SLC44A5: variants seen among roughly 807,000 people sequenced by gnomAD.
The protein encoded by SLC44A5 is solute carrier family 44 member 5.
In SLC44A5, 57 loss-of-function variants were observed where a neutral mutation model predicts 101.8. The ratio of observed to expected loss-of-function variants is 0.56; its 90% CI spans 0.45 to 0.70. SLC44A5 has a LOEUF of 0.70. SLC44A5 is among the 30% of genes least tolerant of loss of function. The pLI is 0.00. For missense variants in SLC44A5, 737 were observed against 853.1 expected, an observed-to-expected ratio of 0.86 and a Z score of 1.70; for synonymous variants, 281 against 290.9, an observed-to-expected ratio of 0.97 and a Z score of 0.35.
intron 5 of SLC44A5, among the ~76,000 whole-genome samples, chr1:75,291,387 C>G (rs903863236): frequency 1.3e-5 from 2 of 152,046 alleles, no homozygotes; most frequent in African/African-American, 4.8e-5. Flanking sequence ...AACCTAGAAC[C>G]TGGGAATATA....
chr1:75,351,007 G>T (rs557145951), intron 3 of SLC44A5, among the ~76,000 whole-genome samples: 18 of 151,024 alleles, frequency 1.2e-4, no homozygotes, highest in African/African-American at 4.1e-4. Context: ...TCTAGAAATC[G>T]AAATTATAGT....
At chr1:75,334,812 C>T (rs1272014430) in intron 4 of SLC44A5, among the ~76,000 whole-genome samples, 4 of 152,116 alleles carry the variant, frequency 2.6e-5, no homozygotes, top group African/African-American at 7.2e-5. Flanking sequence ...TTTGAAAGAA[C>T]ATTAAAGTCT....
the SLC44A5 span, among the ~76,000 whole-genome samples, chr1:75,659,489 G>A: frequency 0.062 from 3,801 of 61,402 alleles, 382 homozygotes; most frequent in Middle Eastern, 0.096. Context: ...AGGAAGGAAG[G>A]AAGGCAGGCA....
intron 5 of SLC44A5, among the ~76,000 whole-genome samples, 154 bp downstream of exon 5, chr1:75,300,458 C>T (rs771443231): frequency 2.0e-5 from 3 of 152,026 alleles, no homozygotes; most frequent in Non-Finnish European, 4.4e-5. Context: ...GTCTGCTACC[C>T]GATAAATCCT....
chr1:75,269,319 A>C (rs991662417), intron 6 of SLC44A5, among the ~76,000 whole-genome samples: 1 of 151,950 alleles, frequency 6.6e-6, no homozygotes, highest in Non-Finnish European at 1.5e-5. Flanking sequence ...GTGTTGATAC[A>C]TTTGGTCAGA....
chr1:75,233,233 G>C (rs1570426652), intron 12 of SLC44A5, among the ~76,000 whole-genome samples: 1 of 152,158 alleles, frequency 6.6e-6, no homozygotes, highest in African/African-American at 2.4e-5. Flanking sequence ...TAAATTTATG[G>C]GGTACGCATA....
chr1:75,360,164 T>G (rs2101111063), intron 3 of SLC44A5, among the ~76,000 whole-genome samples: 1 of 152,286 alleles, frequency 6.6e-6, no homozygotes, highest in South Asian at 2.1e-4. Context: ...TTCAAAAGCT[T>G]TTTATTTGAT....
chr1:75,346,096 C>A (rs1009049518), intron 3 of SLC44A5, among the ~76,000 whole-genome samples: 14 of 152,086 alleles, frequency 9.2e-5, no homozygotes, highest in African/African-American at 3.4e-4. Flanking sequence ...TCATCTCAGG[C>A]AGAAACATGA....
At chr1:75,469,832 C>T (rs1375697232) in intron 2 of SLC44A5, among the ~76,000 whole-genome samples, 1 of 145,004 alleles carries the variant, frequency 6.9e-6, no homozygotes, top group East Asian at 2.1e-4. Context: ...CCCAGGAATT[C>T]GAGGTTACAG....
At chr1:75,515,217 T>C (rs983127068) in intron 2 of SLC44A5, among the ~76,000 whole-genome samples, 1 of 152,224 alleles carries the variant, frequency 6.6e-6, no homozygotes, top group East Asian at 1.9e-4. Context: ...ATGAATGTCA[T>C]GTGGAATAAC....
the SLC44A5 span, among the ~76,000 whole-genome samples, chr1:75,701,996 T>C: frequency 1.3e-4 from 20 of 151,766 alleles, no homozygotes; most frequent in Admixed American, 8.5e-4. Flanking sequence ...CACTGCTCAA[T>C]GAAATAAAAG....
At chr1:75,352,081 A>C (rs528014789) in intron 3 of SLC44A5, among the ~76,000 whole-genome samples, 5 of 152,226 alleles carry the variant, frequency 3.3e-5, no homozygotes, top group African/African-American at 1.2e-4. Context: ...CTGATAAAAG[A>C]CTAAGAAGGT....
Position 75,214,629 on chromosome 1 carries a change from T to C in SLC44A5, c.1778A>G (p.Asn593Ser). 2 of 1,611,918 alleles carry C rather than the reference T, an allele frequency of 1.2e-6. No homozygotes were observed. The highest frequency in any genetic ancestry group is 4.5e-5 in the East Asian group (2 of 44,784). Residue 593 changes from asparagine to serine, a missense_variant, in exon 20 of 24, where the codon AAT (asparagine) becomes AGT (serine). Physicochemically the swap from Asn to Ser is conservative, Grantham distance 46 (BLOSUM62 1). Around this residue, in one of 3 missense-constraint regions of SLC44A5, gnomAD observed 665 missense variants for 764.4 expected, o/e 0.87. Transcript: ENST00000370859. ...NFCRSAKDAF[N>S]LLMRNVLKVA... ...CTTCAAAACATTTCTCATCAGCAGA[T>C]TGAAAGCATCTTTTGCTGACCTGCA...
the SLC44A5 span, among the ~76,000 whole-genome samples, chr1:75,634,103 T>A: frequency 6.6e-6 from 1 of 152,206 alleles, no homozygotes; most frequent in African/African-American, 2.4e-5. Context: ...CTTTTTGATG[T>A]GCTGCTGGAT....
intron 3 of SLC44A5, among the ~76,000 whole-genome samples, chr1:75,340,092 C>T (rs1201731872): frequency 6.6e-6 from 1 of 152,150 alleles, no homozygotes; most frequent in South Asian, 2.1e-4. Flanking sequence ...ATACTAGGTA[C>T]TGTTGGTCTC....
intron 4 of SLC44A5, among the ~76,000 whole-genome samples, chr1:75,324,655 G>A (rs1656433520): frequency 6.6e-6 from 1 of 152,092 alleles, no homozygotes; most frequent in African/African-American, 2.4e-5. Flanking sequence ...CAGTCTGAAG[G>A]CTGCAAGTTT....
chr1:75,673,143 G>T, the SLC44A5 span, among the ~76,000 whole-genome samples: 2 of 152,048 alleles, frequency 1.3e-5, no homozygotes, highest in African/African-American at 4.8e-5. Context: ...GCACCAACTG[G>T]GCTCTTGGGG....
chr1:75,228,761 T>C (rs1379182773), intron 12 of SLC44A5, among the ~76,000 whole-genome samples: 4 of 151,782 alleles, frequency 2.6e-5, no homozygotes, highest in Admixed American at 6.6e-5. Flanking sequence ...CTGTTCTTTT[T>C]TTAATAAGCC....
chr1:75,376,318 A>G (rs1041599939), intron 3 of SLC44A5, among the ~76,000 whole-genome samples: 2 of 152,226 alleles, frequency 1.3e-5, no homozygotes, highest in Non-Finnish European at 2.9e-5. Flanking sequence ...GGAAGCTCCA[A>G]CTGGGTGGAG....
Sources: allele counts gnomAD v4.1 joint callset (sites outside exome capture counted in the v4.1 genomes callset), GRCh38; gene constraint gnomAD v4.1.1; regional missense constraint gnomAD v4.1.1; transcripts MANE v1.5; gene names NCBI Gene and HGNC (gene_info 2026-07-23, HGNC 2026-07-21).